ARID1B: variants seen among roughly 807,000 people sequenced by gnomAD.
The protein encoded by ARID1B is AT-rich interactive domain-containing protein 1B.
In ARID1B, 30 loss-of-function variants were observed where a neutral mutation model predicts 212.3. The observed-to-expected ratio is 0.14, with a 90% confidence interval of 0.11 to 0.19. The LOEUF is 0.19. ARID1B is among the 10% of genes least tolerant of loss of function. The pLI is 1.00. For missense variants in ARID1B, 2,891 were observed against 3,204.0 expected (o/e 0.90, Z 2.36); for synonymous variants, 1,402 against 1,301.7 (o/e 1.08, Z -1.66).
intron 2 of ARID1B, among the ~76,000 whole-genome samples, chr6:156,835,254 AAAG>A (rs1419990464): frequency 4.6e-5 from 7 of 151,812 alleles, no homozygotes; most frequent in East Asian, 1.9e-4. Flanking sequence ...AAAAAAAAAA[AAAG>A]AAAATATTTT....
intron 4 of ARID1B, among the ~76,000 whole-genome samples, chr6:157,028,182 C>T (rs1562561132): frequency 2.0e-5 from 3 of 152,124 alleles, no homozygotes; most frequent in Non-Finnish European, 4.4e-5. Context: ...TATGACTAAA[C>T]ATTATCTCAC....
Position 156,808,062 on chromosome 6 carries a change from C to T in ARID1B, c.1792-21165C>T, listed in dbSNP as rs759610122. 3.9e-5 allele frequency among the ~76,000 whole-genome samples: 6 copies of T among 152,140 alleles called. No individual in the cohort carries two copies. The East Asian group carries it at 9.6e-4, about 24-fold the overall frequency. The stretch of plus-strand genomic sequence containing the variant: ...AAATACAACCTCTTCATTGTTAAGC[C>T]GTGTTACTGTTGAGGCTTTAACCCT... On this transcript the variant is annotated intron_variant, in intron 1 of 19. Coordinates refer to ENST00000636930, the MANE Select transcript of ARID1B (RefSeq NM_001374828.1).
intron 4 of ARID1B, among the ~76,000 whole-genome samples, chr6:157,076,824 T>C (rs1784343521): frequency 6.6e-6 from 1 of 152,218 alleles, no homozygotes; most frequent in South Asian, 2.1e-4. Flanking sequence ...CTGGCAATGA[T>C]GTTTGGGAAG....
intron 4 of ARID1B, among the ~76,000 whole-genome samples, chr6:156,947,332 A>G (rs1267691943): frequency 2.0e-5 from 3 of 152,328 alleles, no homozygotes; most frequent in Non-Finnish European, 2.9e-5. Context: ...AATATTTCTT[A>G]GTTTAATTTG....
intron 5 of ARID1B, among the ~76,000 whole-genome samples, chr6:157,092,953 T>G (rs537760919): frequency 1.3e-5 from 2 of 152,320 alleles, no homozygotes; most frequent in South Asian, 4.1e-4. Context: ...TCGTTCTGTT[T>G]GTTTTCACTC....
At chr6:157,176,620 T>C (rs1292650423) in intron 11 of ARID1B, among the ~76,000 whole-genome samples, 2 of 151,936 alleles carry the variant, frequency 1.3e-5, no homozygotes, top group Non-Finnish European at 2.9e-5. Context: ...ACGAGGCGAG[T>C]GGATCACCTG....
At chr6:156,801,242 C>T (rs1780764401) in intron 1 of ARID1B, among the ~76,000 whole-genome samples, 1 of 149,186 alleles carries the variant, frequency 6.7e-6, no homozygotes, top group Non-Finnish European at 1.5e-5. Flanking sequence ...GCTCTGTTGC[C>T]CACTCTGGAG....
Position 157,148,116 on chromosome 6 carries a change from C to T in ARID1B, c.2762-508C>T, listed in dbSNP as rs1583404004. Among the ~76,000 whole-genome samples the T allele has an allele frequency of 6.6e-6, 1 of 151,924 alleles. No individual in the cohort carries two copies. The highest frequency in any genetic ancestry group is 1.9e-4 in the East Asian group (1 of 5,160). ...AACTGGGGCTCATGTCAGGTTCCCG[C>T]GTGACACCTTCCTGTGGGGTTTTAA... is the stretch of plus-strand genomic sequence containing the variant. On this transcript the variant is annotated intron_variant, in intron 7 of 19. Transcript: ENST00000636930. The surrounding 1 kb of genome is among the most constrained non-coding windows in gnomAD (Gnocchi z 5.6).
At chr6:156,966,706 T>C (rs138686300) in intron 4 of ARID1B, among the ~76,000 whole-genome samples, 289 of 151,268 alleles carry the variant, frequency 1.9e-3, no homozygotes, top group African/African-American at 6.7e-3. Flanking sequence ...TAAATAACTT[T>C]GTTTTTTTGC....
intron 1 of ARID1B, among the ~76,000 whole-genome samples, chr6:156,828,056 C>T (rs576090574): frequency 1.3e-4 from 18 of 140,244 alleles, no homozygotes; most frequent in African/African-American, 3.2e-4. Context: ...TCACCATGCC[C>T]GGCCTCTTTT....
intron 6 of ARID1B, among the ~76,000 whole-genome samples, chr6:157,131,308 A>G (rs956446855): frequency 1.3e-5 from 2 of 152,164 alleles, no homozygotes; most frequent in Non-Finnish European, 2.9e-5. Context: ...AAGAGAGATG[A>G]TAAGTGAGTC....
At chr6:156,975,830 T>A (rs770440419) in intron 4 of ARID1B, among the ~76,000 whole-genome samples, 4 of 152,126 alleles carry the variant, frequency 2.6e-5, no homozygotes, top group South Asian at 2.1e-4. Context: ...AGGCAAGCTT[T>A]ACGTGAACAG....
chr6:157,015,053 G>A (rs6557518), intron 4 of ARID1B, among the ~76,000 whole-genome samples: 74,180 of 152,022 alleles, frequency 0.49, 18,367 homozygotes, highest in East Asian at 0.66. Context: ...GACATTTGAT[G>A]CCACGTGTCT....
intron 2 of ARID1B, among the ~76,000 whole-genome samples, chr6:156,875,165 G>T (rs2063713): frequency 0.34 from 52,138 of 151,928 alleles, 9,540 homozygotes; most frequent in African/African-American, 0.47. Context: ...CATTGTTCCC[G>T]CATTCCTTCA....
intron 2 of ARID1B, among the ~76,000 whole-genome samples, chr6:156,898,761 C>T (rs975487338): frequency 2.0e-5 from 3 of 152,120 alleles, no homozygotes; most frequent in South Asian, 2.1e-4. Context: ...CACCTGAGGT[C>T]GGGAGTTTGA....
chr6:156,943,498 C>A (rs1792830509), intron 4 of ARID1B: 1 of 147,366 alleles, frequency 6.8e-6, no homozygotes, highest in African/African-American at 2.5e-5. Flanking sequence ...AAAAAAAAAG[C>A]ATGTTGGTAC....
chr6:157,002,529 A>C (rs1778968843), intron 4 of ARID1B, among the ~76,000 whole-genome samples: 1 of 152,202 alleles, frequency 6.6e-6, no homozygotes, highest in Non-Finnish European at 1.5e-5. Context: ...ACTGCATTGC[A>C]TTTTCCAAGT....
chr6:156,792,676 G>T (rs1478419301), intron 1 of ARID1B, among the ~76,000 whole-genome samples: 12 of 152,188 alleles, frequency 7.9e-5, no homozygotes, highest in Admixed American at 7.9e-4. Flanking sequence ...TTAGCAAAAG[G>T]AGGGGTGCTT....
At chr6:157,138,080 G>A (rs1789060345) in intron 7 of ARID1B, among the ~76,000 whole-genome samples, 3 of 152,090 alleles carry the variant, frequency 2.0e-5, no homozygotes, top group Admixed American at 6.5e-5. Flanking sequence ...GTTCTAGAGG[G>A]GCAAGGTCTA....
Sources: gnomAD v4.1 joint callset for allele counts (sites outside exome capture counted in the v4.1 genomes callset) on GRCh38, gnomAD v4.1.1 for gene constraint, Gnocchi (gnomAD v3.1) non-coding constraint, MANE v1.5 for transcripts, NCBI Gene and HGNC (gene_info 2026-07-23, HGNC 2026-07-21) for gene names.